The following ABCC1 variants were observed in gnomAD, a reference collection of about 807,000 sequenced individuals.
ABCC1 encodes the protein multidrug resistance-associated protein 1.
In ABCC1, 83 loss-of-function variants were observed where a neutral mutation model predicts 172.9. The observed-to-expected ratio is 0.48, with a 90% CI of 0.40 to 0.58. The LOEUF is 0.58. Among genes scored for constraint, ABCC1 ranks in the 20% least tolerant of loss-of-function variants. The pLI is 0.00. For missense variants in ABCC1, 1,817 were observed against 2,002.7 expected, an observed-to-expected ratio of 0.91 and a Z score of 1.77; for synonymous variants, 937 against 825.2, an observed-to-expected ratio of 1.14 and a Z score of -2.32.
intron 27 of ABCC1, among the ~76,000 whole-genome samples, chr16:16,133,407 G>GTTTTTGT (rs2045784397): frequency 7.0e-6 from 1 of 143,696 alleles, no homozygotes; most frequent in Non-Finnish European, 1.5e-5. Context: ...TTTTTGTTTT[G>GTTTTTGT]TTTTGTTTTG....
At chr16:16,090,260 T>C in intron 18 of ABCC1, 145 bp from the exon 19 acceptor site, 1 of 737,172 alleles carries the variant, frequency 1.4e-6, no homozygotes, top group South Asian at 2.1e-5. Flanking sequence ...TGGATGCTGT[T>C]ATCGCGGGTG....
In ABCC1 at chr16:16,141,292, T is replaced by G; in HGVS notation, c.*11T>G. On this transcript the variant is annotated 3_prime_UTR_variant, in exon 31 of 31. Coordinates refer to ENST00000399410, the MANE Select transcript of ABCC1 (RefSeq NM_004996.4). ...GCCGGCTTGGTGTGAGCCCCAGAGC[T>G]GGCATATCTGGTCAGAACTGCAGGG... is the stretch of plus-strand genomic sequence containing the variant. 6.2e-7 allele frequency: 1 copy of G among 1,613,222 alleles called. No homozygotes were observed. The highest frequency in any genetic ancestry group is 8.5e-7 in the Non-Finnish European group (1 of 1,179,488).
intron 7 of ABCC1, among the ~76,000 whole-genome samples, chr16:16,040,557 G>C (rs1262721996): frequency 1.3e-5 from 2 of 152,044 alleles, no homozygotes; most frequent in Admixed American, 1.3e-4. Context: ...AAAGTGCTGG[G>C]ATTACAGGTG....
intron 7 of ABCC1, among the ~76,000 whole-genome samples, chr16:16,040,064 TTGTATGTATGTA>T (rs10543561): frequency 1.4e-3 from 187 of 134,868 alleles, no homozygotes; most frequent in African/African-American, 3.3e-3. Flanking sequence ...GTTTGTTTGT[TTGTATGTATGTA>T]TGTATGTATG....
intron 20 of ABCC1, chr16:16,105,510 G>A (rs1201264448): frequency 6.6e-6 from 1 of 152,318 alleles, no homozygotes; most frequent in African/African-American, 2.4e-5. Context: ...AGGGGAGGTG[G>A]TGGAGGTTTA....
At chr16:16,026,465 CTTTTTT>C (rs1157942197) in intron 5 of ABCC1, among the ~76,000 whole-genome samples, 3 of 95,498 alleles carry the variant, frequency 3.1e-5, no homozygotes, top group African/African-American at 8.2e-5. Context: ...AGGCTATTTC[CTTTTTT>C]TTTTTTTTTT....
At chr16:15,982,663 C>T (rs1435637919) in intron 1 of ABCC1, among the ~76,000 whole-genome samples, 1 of 146,830 alleles carries the variant, frequency 6.8e-6, no homozygotes, top group Non-Finnish European at 1.5e-5. Context: ...AAAAAAAAGC[C>T]AGGTGTGGTG....
chr16:16,015,837 T>A (rs1355445985), intron 4 of ABCC1, among the ~76,000 whole-genome samples: 2 of 152,154 alleles, frequency 1.3e-5, no homozygotes, highest in Non-Finnish European at 2.9e-5. Flanking sequence ...CTGCCAGATG[T>A]TTCCTGGGAG....
intron 24 of ABCC1, among the ~76,000 whole-genome samples, chr16:16,122,896 A>C (rs888669410): frequency 6.6e-6 from 1 of 151,962 alleles, no homozygotes; most frequent in East Asian, 1.9e-4. Flanking sequence ...GAAAAACAAA[A>C]AAAGGAGATG....
chr16:16,121,260 C>G (rs181735168), intron 23 of ABCC1, among the ~76,000 whole-genome samples: 7 of 152,286 alleles, frequency 4.6e-5, no homozygotes, highest in Admixed American at 1.3e-4. Context: ...CTGGGCTGGT[C>G]TCAGACTCCT....
At chr16:16,075,087 G>C (rs1292445574) in intron 14 of ABCC1, among the ~76,000 whole-genome samples, 1 of 151,716 alleles carries the variant, frequency 6.6e-6, no homozygotes, top group Non-Finnish European at 1.5e-5. Flanking sequence ...TGGGACTACA[G>C]GCATGCGCTA....
At chr16:16,123,805 A>C (rs998090943) in intron 24 of ABCC1, among the ~76,000 whole-genome samples, 1 of 152,132 alleles carries the variant, frequency 6.6e-6, no homozygotes, top group Non-Finnish European at 1.5e-5. Flanking sequence ...TGAGCCCAGC[A>C]GTTCGAGACC....
At chr16:16,054,613 G>A (rs1348115105) in intron 11 of ABCC1, among the ~76,000 whole-genome samples, 1 of 152,056 alleles carries the variant, frequency 6.6e-6, no homozygotes, top group Non-Finnish European at 1.5e-5. Flanking sequence ...GGGTGGGATG[G>A]GTGAGGCAGG....
intron 19 of ABCC1, among the ~76,000 whole-genome samples, chr16:16,099,949 G>A (rs1028118705): frequency 2.6e-5 from 4 of 152,118 alleles, no homozygotes; most frequent in Admixed American, 6.5e-5. Context: ...AGCCAGGCAC[G>A]GTGGTGCATG....
intron 5 of ABCC1, among the ~76,000 whole-genome samples, chr16:16,020,150 G>A (rs1010295651): frequency 1.3e-5 from 2 of 152,178 alleles, no homozygotes; most frequent in African/African-American, 2.4e-5. Flanking sequence ...TCGATCTCCT[G>A]ACTTCAAGTG....
intron 20 of ABCC1, 60 bp from the exon 21 acceptor site, chr16:16,106,678 G>C: frequency 1.9e-6 from 3 of 1,607,044 alleles, no homozygotes; most frequent in Non-Finnish European, 2.6e-6. Context: ...CCAGCAGGGA[G>C]CCCTCCGACC....
intron 3 of ABCC1, among the ~76,000 whole-genome samples, chr16:16,013,805 G>A (rs1015574417): frequency 8.5e-5 from 13 of 152,138 alleles, no homozygotes; most frequent in African/African-American, 3.1e-4. Flanking sequence ...AAAGCTTAAG[G>A]GGCTGAGGGC....
At chr16:16,106,958 C>A (rs949503069) in intron 21 of ABCC1, 85 bp downstream of exon 21, 1 of 1,547,888 alleles carries the variant, frequency 6.5e-7, no homozygotes, top group Non-Finnish European at 8.8e-7. Context: ...AGTGCCTTGT[C>A]TATGTTAACT....
intron 21 of ABCC1, among the ~76,000 whole-genome samples, chr16:16,107,860 G>A (rs1798647671): frequency 6.6e-6 from 1 of 150,708 alleles, no homozygotes; most frequent in Non-Finnish European, 1.5e-5. Context: ...TTTAAAGTAG[G>A]TAAAAAATAA....
Sources: allele counts gnomAD v4.1 joint callset (sites outside exome capture counted in the v4.1 genomes callset), GRCh38; gene constraint gnomAD v4.1.1; transcripts MANE v1.5; gene names NCBI Gene and HGNC (gene_info 2026-07-23, HGNC 2026-07-21).